Variants in TASP1 observed in about 807,000 individuals in gnomAD.
TASP1 encodes the protein taspase 1.
Under a neutral mutation model 56.6 loss-of-function variants are expected in TASP1, and 16 were observed. That is an observed-to-expected ratio of 0.28 (90% CI 0.19 to 0.43). The LOEUF (loss-of-function observed/expected upper bound fraction) is 0.43, where lower values mean the gene tolerates loss of function less well. TASP1 is among the 20% of genes least tolerant of loss of function. TASP1 has a pLI of 1.00. For synonymous variants in TASP1, 179 were observed against 184.2 expected (o/e 0.97, Z 0.23); for missense variants, 393 against 511.6 (o/e 0.77, Z 2.24).
the TASP1 span, among the ~76,000 whole-genome samples, chr20:13,359,834 C>G: frequency 9.9e-5 from 15 of 150,918 alleles, no homozygotes; most frequent in South Asian, 2.3e-3. Flanking sequence ...TCCTCCTCTT[C>G]TATCCCCCAC....
At chr20:13,170,544 A>C in the TASP1 span, among the ~76,000 whole-genome samples, 1 of 152,316 alleles carries the variant, frequency 6.6e-6, no homozygotes, top group South Asian at 2.1e-4. Flanking sequence ...ACAAACCAAT[A>C]AAATATCCAA....
rs1415435795 is a variant in TASP1, at chr20:13,519,525, T to A, written c.874+8908A>T. On this transcript the variant is annotated intron_variant, in intron 10 of 13. Coordinates refer to ENST00000337743, the MANE Select transcript of TASP1 (RefSeq NM_017714.3). Reference sequence around the variant, plus strand: ...AACAGAACCAATGACAAAAACCATATGATTATCCCAACAGATGCAGAAAAG... The same window carrying A: ...AACAGAACCAATGACAAAAACCATAAGATTATCCCAACAGATGCAGAAAAG... Among the ~76,000 whole-genome samples, 5 of 152,234 alleles carry A rather than the reference T, an allele frequency of 3.3e-5. No homozygotes were observed. In the East Asian group the frequency reaches 9.7e-4, roughly 29 times the overall value.
At chr20:13,276,077 C>A in the TASP1 span, among the ~76,000 whole-genome samples, 25 of 152,328 alleles carry the variant, frequency 1.6e-4, no homozygotes, top group African/African-American at 5.5e-4. Context: ...GTGTTCTTTC[C>A]ATGGCAGTTA....
intron 10 of TASP1, among the ~76,000 whole-genome samples, chr20:13,521,784 T>C (rs1363928364): frequency 7.2e-6 from 1 of 138,124 alleles, no homozygotes; most frequent in Non-Finnish European, 1.7e-5. Context: ...AGTATAATAA[T>C]AAAATTAAAT....
chr20:13,131,547 A>G, the TASP1 span, among the ~76,000 whole-genome samples: 6 of 152,172 alleles, frequency 3.9e-5, no homozygotes, highest in Non-Finnish European at 7.3e-5. Flanking sequence ...AAATTTTCCA[A>G]TAGCTTTACC....
chr20:13,576,459 T>C (rs918764417), intron 6 of TASP1, among the ~76,000 whole-genome samples: 22 of 152,108 alleles, frequency 1.4e-4, no homozygotes, highest in African/African-American at 5.1e-4. Context: ...ATTCCCATGA[T>C]AGAATGTCAA....
At chr20:13,536,550 G>C (rs1048177782) in intron 8 of TASP1, among the ~76,000 whole-genome samples, 1 of 152,084 alleles carries the variant, frequency 6.6e-6, no homozygotes, top group African/African-American at 2.4e-5. Context: ...TAACAACAGA[G>C]AAGTCAAGAA....
intron 11 of TASP1, among the ~76,000 whole-genome samples, chr20:13,471,409 A>G (rs1395142890): frequency 2.6e-5 from 4 of 152,156 alleles, no homozygotes; most frequent in African/African-American, 4.8e-5. Context: ...TACATGTCCA[A>G]TGTTTCAAAT....
At chr20:13,321,986 G>A in the TASP1 span, among the ~76,000 whole-genome samples, 2 of 152,040 alleles carry the variant, frequency 1.3e-5, no homozygotes, top group African/African-American at 2.4e-5. Flanking sequence ...TTGCTCACAG[G>A]GTTGCCATGA....
At chr20:13,539,996 C>G (rs2045563468) in intron 8 of TASP1, among the ~76,000 whole-genome samples, 1 of 152,166 alleles carries the variant, frequency 6.6e-6, no homozygotes, top group Admixed American at 6.5e-5. Context: ...TATTACACAG[C>G]TAAACAGTAA....
At chr20:13,246,490 G>T in the TASP1 span, among the ~76,000 whole-genome samples, 1 of 152,182 alleles carries the variant, frequency 6.6e-6, no homozygotes, top group African/African-American at 2.4e-5. Context: ...TATACCCATG[G>T]CATGCAGTGT....
chr20:13,253,018 TG>T, the TASP1 span, among the ~76,000 whole-genome samples: 20 of 152,314 alleles, frequency 1.3e-4, no homozygotes, highest in Admixed American at 3.3e-4. Context: ...GGAACCAACC[TG>T]TCCTTCCCCA....
At chr20:13,117,432 G>A in the TASP1 span, 946 of 1,373,034 alleles carry the variant, frequency 6.9e-4, 5 homozygotes, top group African/African-American at 0.012. Context: ...TGTCTAGGAT[G>A]TATTGATGGG....
chr20:13,308,009 T>G, the TASP1 span, among the ~76,000 whole-genome samples: 1 of 152,248 alleles, frequency 6.6e-6, no homozygotes, highest in African/African-American at 2.4e-5. Context: ...CCAAAGTGGT[T>G]GTCCTGGTGG....
At chr20:13,256,984 A>T in the TASP1 span, among the ~76,000 whole-genome samples, 1 of 152,166 alleles carries the variant, frequency 6.6e-6, no homozygotes, top group Non-Finnish European at 1.5e-5. Context: ...AGTGAAGAGA[A>T]AATGTAACAA....
At chr20:13,432,483 T>C (rs1282768335) in intron 12 of TASP1, among the ~76,000 whole-genome samples, 1 of 152,216 alleles carries the variant, frequency 6.6e-6, no homozygotes, top group Non-Finnish European at 1.5e-5. Context: ...TTCTATACTG[T>C]TTGAATTTAT....
At chr20:13,393,619 T>C in intron 13 of TASP1, 1 of 1,199,436 alleles carries the variant, frequency 8.3e-7, no homozygotes, top group South Asian at 1.2e-5. Context: ...GACAACGAAT[T>C]TGGCTACAGC....
the TASP1 span, among the ~76,000 whole-genome samples, chr20:13,134,130 A>G: frequency 1.3e-5 from 2 of 152,212 alleles, no homozygotes; most frequent in East Asian, 1.9e-4. Flanking sequence ...CAGCTACCAT[A>G]TAACAATCCA....
the TASP1 span, among the ~76,000 whole-genome samples, chr20:13,206,851 A>G: frequency 6.6e-6 from 1 of 152,234 alleles, no homozygotes; most frequent in Non-Finnish European, 1.5e-5. Flanking sequence ...GGGTAAGAAC[A>G]AATGGGGTTG....
Sources: gnomAD v4.1 joint callset for allele counts (sites outside exome capture counted in the v4.1 genomes callset) on GRCh38, gnomAD v4.1.1 for gene constraint, MANE v1.5 for transcripts, NCBI Gene and HGNC (gene_info 2026-07-23, HGNC 2026-07-21) for gene names.